FLRT1: variants seen among roughly 807,000 people sequenced by gnomAD.
FLRT1 encodes fibronectin leucine rich transmembrane protein 1.
FLRT1 carries 14 observed loss-of-function variants against 30.9 expected under a neutral mutation model. The observed-to-expected ratio is 0.45, with a 90% CI of 0.30 to 0.71. The LOEUF (loss-of-function observed/expected upper bound fraction) is 0.71. Among genes scored for constraint, FLRT1 ranks in the 30% least tolerant of loss-of-function variants. The probability of loss-of-function intolerance (pLI) is 0.08; values close to 1 mark genes in which losing one functional copy is unlikely to be tolerated. For synonymous variants in FLRT1, 368 were observed against 430.4 expected (o/e 0.85, Z 1.80); for missense variants, 737 against 949.2 (o/e 0.78, Z 2.94).
At chr11:64,052,839 C>T (rs557522441) in intron 1 of FLRT1, among the ~76,000 whole-genome samples, 2 of 152,278 alleles carry the variant, frequency 1.3e-5, no homozygotes, top group East Asian at 1.9e-4. Context: ...GGGGTTCTGC[C>T]GTGGTGCCAG....
chr11:64,075,529 C>T (rs1288310649), intron 1 of FLRT1, among the ~76,000 whole-genome samples: 2 of 152,266 alleles, frequency 1.3e-5, no homozygotes, highest in East Asian at 3.8e-4. Flanking sequence ...ACCGAGGGAA[C>T]AGGCAGAGGT....
chr11:64,065,739 G>A (rs576307459), intron 1 of FLRT1, among the ~76,000 whole-genome samples: 8 of 147,304 alleles, frequency 5.4e-5, no homozygotes, highest in Middle Eastern at 7.4e-3. Flanking sequence ...GCAGTGAGCT[G>A]AGATGGCGCC....
intron 1 of FLRT1, among the ~76,000 whole-genome samples, chr11:64,047,041 G>GCC (rs754548217): frequency 6.6e-6 from 1 of 151,548 alleles, no homozygotes; most frequent in South Asian, 2.1e-4. Context: ...TCGCCCCAGT[G>GCC]CCCCCCCCGG....
intron 1 of FLRT1, among the ~76,000 whole-genome samples, chr11:64,056,776 G>A (rs1259292373): frequency 1.3e-5 from 2 of 152,140 alleles, no homozygotes; most frequent in East Asian, 1.9e-4. Context: ...GGGGTAGTGC[G>A]AACCCTGGGC....
chr11:64,048,122 C>G (rs1434741726), intron 1 of FLRT1, among the ~76,000 whole-genome samples: 1 of 152,190 alleles, frequency 6.6e-6, no homozygotes, highest in Non-Finnish European at 1.5e-5. Flanking sequence ...GGCCCAGAAG[C>G]AGGGCCGGGC....
Position 64,090,446 on chromosome 11 carries a change from T to C in FLRT1, c.-1037-12748T>C, listed in dbSNP as rs1158483513. Among the ~76,000 whole-genome samples the C allele has an allele frequency of 6.6e-6, 1 of 151,566 alleles. No homozygotes were observed. Among genetic ancestry groups the C allele is most frequent in the Non-Finnish European group, 1.5e-5 (1 of 67,592 alleles). ...TCCAGCCCGGGCAGCAGTGGGTCGATAATAATTTACGAGGCAGCCCCTGAG... is the reference window on the plus strand; with the variant it reads ...TCCAGCCCGGGCAGCAGTGGGTCGACAATAATTTACGAGGCAGCCCCTGAG... On this transcript the variant is annotated intron_variant, in intron 1 of 2. Transcript: ENST00000682287. The surrounding 1 kb of genome is among the most constrained non-coding windows in gnomAD (Gnocchi z 4.7).
chr11:64,098,972 GA>G (rs1284321198), intron 1 of FLRT1, among the ~76,000 whole-genome samples: 1 of 152,248 alleles, frequency 6.6e-6, no homozygotes, highest in Non-Finnish European at 1.5e-5. Flanking sequence ...ATTAATATCA[GA>G]GAGCTCCGAT....
intron 1 of FLRT1, among the ~76,000 whole-genome samples, chr11:64,044,526 A>G (rs1943548464): frequency 3.9e-5 from 6 of 152,168 alleles, no homozygotes; most frequent in Admixed American, 3.3e-4. Context: ...GGTGTGAGAC[A>G]CTGCGCCTGC....
intron 1 of FLRT1, among the ~76,000 whole-genome samples, chr11:64,051,899 G>C (rs539783714): frequency 6.6e-6 from 1 of 151,988 alleles, no homozygotes; most frequent in Non-Finnish European, 1.5e-5. Flanking sequence ...TTCCTCTCTC[G>C]GGGGCTGCAA....
At position 64,118,839 on chromosome 11, in the gene FLRT1, C is replaced by T. The variant is rs1329961262; in HGVS notation, c.*547C>T. The T allele has an allele frequency of 6.0e-6, 1 of 167,392 alleles. No homozygotes were observed. The highest frequency in any genetic ancestry group is 1.5e-5 in the Non-Finnish European group (1 of 68,274). 10.4% of individuals were successfully genotyped at this position (167,392 alleles called of 1,614,324 possible). ...CTGGAGATATGGTCCTGAAATCTCT[C>T]CCCTGGCTTATTCCATACCATTTCC... On this transcript the variant is annotated 3_prime_UTR_variant, in exon 3 of 3. Transcript: ENST00000682287.
intron 1 of FLRT1, among the ~76,000 whole-genome samples, chr11:64,046,852 C>T (rs1414761489): frequency 1.3e-5 from 2 of 152,162 alleles, no homozygotes; most frequent in South Asian, 2.1e-4. Context: ...AAGTCTTCCC[C>T]ATCCCTGCCT....
In FLRT1 at chr11:64,118,381, CA is replaced by C; in HGVS notation, c.*91del. 7.1e-7 allele frequency: 1 copy of C among 1,404,040 alleles called. No individual in the cohort carries two copies. The highest frequency in any genetic ancestry group is 9.4e-7 in the Non-Finnish European group (1 of 1,066,572). 87.0% of individuals were successfully genotyped at this position (1,404,040 alleles called of 1,614,324 possible). On this transcript the variant is annotated 3_prime_UTR_variant, in exon 3 of 3. Coordinates refer to ENST00000682287, the MANE Select transcript of FLRT1 (RefSeq NM_013280.5). The stretch of plus-strand genomic sequence containing the variant: ...CCCAGCCTGCTGCAATCCAAGAGAG[CA>C]AGGAAGAGAAATTCCATGGGTGACT...
At chr11:64,037,216 C>A (rs1339062344) in intron 1 of FLRT1, among the ~76,000 whole-genome samples, 1 of 152,192 alleles carries the variant, frequency 6.6e-6, no homozygotes, top group Non-Finnish European at 1.5e-5. Context: ...GGAAACCAGC[C>A]CCTCCACATC....
chr11:64,107,842 A>C (rs1440668205), intron 2 of FLRT1, among the ~76,000 whole-genome samples: 1 of 152,186 alleles, frequency 6.6e-6, no homozygotes, highest in Non-Finnish European at 1.5e-5. Flanking sequence ...TGCCTGAACT[A>C]GGGCTTGGAA....
chr11:64,057,557 G>C (rs1252373689), intron 1 of FLRT1, among the ~76,000 whole-genome samples: 1 of 152,196 alleles, frequency 6.6e-6, no homozygotes, highest in African/African-American at 2.4e-5. Context: ...TTACAGATGA[G>C]AGAGGGGCTG....
chr11:64,090,609 C>T lies in FLRT1; in HGVS notation c.-1037-12585C>T, dbSNP rs550377131. On this transcript the variant is annotated intron_variant, in intron 1 of 2. Coordinates refer to ENST00000682287, the MANE Select transcript of FLRT1 (RefSeq NM_013280.5). This position sits in a 1 kb window ranked among gnomAD's most constrained non-coding sequence, Gnocchi z 4.7. ...AGTGGAGGCTGTGGCCAGCCATCGC[C>T]GCAGGAGGGGTCCCAGCTGGAGCAC... 2.0e-5 allele frequency among the ~76,000 whole-genome samples: 3 copies of T among 152,302 alleles called. No homozygotes were observed. The highest frequency in any genetic ancestry group is 4.4e-5 in the Non-Finnish European group (3 of 68,020).
intron 1 of FLRT1, among the ~76,000 whole-genome samples, chr11:64,073,188 G>A (rs1317436287): frequency 6.6e-6 from 1 of 152,240 alleles, no homozygotes; most frequent in South Asian, 2.1e-4. Context: ...AGGGCTGCCT[G>A]CTTCTGCCTA....
chr11:64,108,359 G>C (rs1195055522), intron 2 of FLRT1, among the ~76,000 whole-genome samples: 1 of 151,814 alleles, frequency 6.6e-6, no homozygotes, highest in Admixed American at 6.6e-5. Flanking sequence ...CCCCACAGTA[G>C]GCTGAGCAGC....
chr11:64,109,277 C>G (rs1212211013), intron 2 of FLRT1, among the ~76,000 whole-genome samples: 1 of 152,156 alleles, frequency 6.6e-6, no homozygotes, highest in Non-Finnish European at 1.5e-5. Flanking sequence ...GAGCAGCAGA[C>G]AGTGGGCCAT....
Sources: allele counts gnomAD v4.1 joint callset (sites outside exome capture counted in the v4.1 genomes callset), GRCh38; gene constraint gnomAD v4.1.1; non-coding constraint Gnocchi (gnomAD v3.1); transcripts MANE v1.5; gene names NCBI Gene and HGNC (gene_info 2026-07-23, HGNC 2026-07-21).